The following GRIK4 variants were observed in gnomAD, a reference collection of about 807,000 sequenced individuals.
GRIK4 encodes the protein glutamate ionotropic receptor kainate type subunit 4, also known as glutamate receptor ionotropic, kainate 4.
A neutral mutation model predicts 104.9 loss-of-function variants in GRIK4; 40 were observed. The observed-to-expected ratio is 0.38, with a 90% CI of 0.30 to 0.50. The LOEUF is 0.50. GRIK4 is among the 20% of genes least tolerant of loss of function. The pLI is 0.93. For missense variants in GRIK4, 1,047 were observed against 1,308.1 expected (o/e 0.80, Z 3.08); for synonymous variants, 485 against 524.9 (o/e 0.92, Z 1.04).
At chr11:120,604,334 C>G (rs1473635696) in intron 1 of GRIK4, among the ~76,000 whole-genome samples, 1 of 152,180 alleles carries the variant, frequency 6.6e-6, no homozygotes, top group East Asian at 1.9e-4. Flanking sequence ...GGTGGTACCC[C>G]CTGGGCATCG....
chr11:120,724,114 A>C (rs549832423), intron 3 of GRIK4, among the ~76,000 whole-genome samples: 1 of 152,086 alleles, frequency 6.6e-6, no homozygotes, highest in South Asian at 2.1e-4. Flanking sequence ...ACAATCATCC[A>C]TGTTGTTGCC....
rs538270773 is a variant in GRIK4, at chr11:120,640,093, C to G, written c.-158-13592C>G. On this transcript the variant is annotated intron_variant, in intron 1 of 20. Coordinates refer to ENST00000527524, the MANE Select transcript of GRIK4 (RefSeq NM_014619.5). Reference sequence around the variant, plus strand: ...GGACCCCAAGAGAGGGTTCTTGGACCTCATGCAAGAAAGAACTTGGGGCAA... The same window carrying G: ...GGACCCCAAGAGAGGGTTCTTGGACGTCATGCAAGAAAGAACTTGGGGCAA... 7.2e-5 allele frequency among the ~76,000 whole-genome samples: 11 copies of G among 152,124 alleles called. No individual in the cohort carries two copies. In the East Asian group the frequency reaches 1.7e-3, roughly 24 times the overall value.
intron 1 of GRIK4, among the ~76,000 whole-genome samples, chr11:120,561,537 T>A (rs1299499445): frequency 6.6e-6 from 1 of 152,092 alleles, no homozygotes; most frequent in Non-Finnish European, 1.5e-5. Flanking sequence ...CTCCCCAGAG[T>A]TCCCTGCAGG....
intron 9 of GRIK4, among the ~76,000 whole-genome samples, chr11:120,864,460 T>A (rs1433984009): frequency 6.6e-6 from 1 of 152,122 alleles, no homozygotes; most frequent in Non-Finnish European, 1.5e-5. Flanking sequence ...CAGGAGTGTC[T>A]CGATCTCCTG....
chr11:120,669,337 A>T (rs1949974752), intron 3 of GRIK4, among the ~76,000 whole-genome samples: 1 of 152,254 alleles, frequency 6.6e-6, no homozygotes, highest in South Asian at 2.1e-4. Flanking sequence ...ACACAGGAGC[A>T]GTTGTCCCAG....
chr11:120,605,940 G>T (rs1423845679), intron 1 of GRIK4, among the ~76,000 whole-genome samples: 15 of 152,222 alleles, frequency 9.9e-5, no homozygotes, highest in Non-Finnish European at 4.4e-5. Context: ...TGGGGAGAGG[G>T]TGTACCTGGG....
At chr11:120,704,733 A>G (rs1328634020) in intron 3 of GRIK4, among the ~76,000 whole-genome samples, 2 of 151,502 alleles carry the variant, frequency 1.3e-5, no homozygotes, top group Non-Finnish European at 2.9e-5. Context: ...TAACTCTGCA[A>G]ACTTTTTTTT....
chr11:120,848,959 G>A (rs1033779554), intron 8 of GRIK4, among the ~76,000 whole-genome samples: 4 of 152,156 alleles, frequency 2.6e-5, no homozygotes, highest in Admixed American at 6.5e-5. Flanking sequence ...TTCAACAGGG[G>A]ATGTTGAGAC....
chr11:120,731,266 T>G (rs1469876810), intron 3 of GRIK4, among the ~76,000 whole-genome samples: 1 of 151,938 alleles, frequency 6.6e-6, no homozygotes, highest in Non-Finnish European at 1.5e-5. Context: ...TTAGTTTTTT[T>G]TTTTTAATCA....
At position 120,621,807 on chromosome 11, in the gene GRIK4, G is replaced by A. The variant is rs952886997; in HGVS notation, c.-158-31878G>A. Among the ~76,000 whole-genome samples the A allele has an allele frequency of 4.6e-5, 7 of 152,180 alleles. No homozygotes were observed. The South Asian group carries it at 6.2e-4, about 14-fold the overall frequency. Reference sequence around the variant, plus strand: ...TCCGTAGAGACTTCTCAGCTGCAGCGGCAGTACAAGGGGGTCTTTGTAATG... The same window carrying A: ...TCCGTAGAGACTTCTCAGCTGCAGCAGCAGTACAAGGGGGTCTTTGTAATG... On this transcript the variant is annotated intron_variant, in intron 1 of 20. Transcript: ENST00000527524.
chr11:120,667,976 G>A (rs1053617939), intron 3 of GRIK4, among the ~76,000 whole-genome samples: 2 of 152,190 alleles, frequency 1.3e-5, no homozygotes, highest in Admixed American at 1.3e-4. Context: ...CCAGCTACTT[G>A]GGAGGCTGAG....
At chr11:120,533,953 A>G (rs1229583750) in intron 1 of GRIK4, among the ~76,000 whole-genome samples, 1 of 152,224 alleles carries the variant, frequency 6.6e-6, no homozygotes, top group African/African-American at 2.4e-5. Flanking sequence ...TTTAAACAGA[A>G]ATAGCTTGAC....
chr11:120,722,037 A>C (rs1399788591), intron 3 of GRIK4, among the ~76,000 whole-genome samples: 1 of 152,090 alleles, frequency 6.6e-6, no homozygotes, highest in Non-Finnish European at 1.5e-5. Flanking sequence ...AAGTAACTTG[A>C]GGTAGTTTAC....
intron 1 of GRIK4, among the ~76,000 whole-genome samples, chr11:120,574,208 C>T (rs1450112181): frequency 6.6e-6 from 1 of 152,174 alleles, no homozygotes; most frequent in East Asian, 1.9e-4. Context: ...AGTGGTTGTG[C>T]TGTGTGATTA....
rs569544869 is a variant in GRIK4 at position 120,714,550 on chromosome 11, CA to C, written c.82+54151del. 5.3e-5 allele frequency among the ~76,000 whole-genome samples: 8 copies of C among 152,266 alleles called. No homozygotes were observed. In the East Asian group the frequency reaches 1.5e-3, roughly 29 times the overall value. Reference sequence around the variant, plus strand: ...TAGGGAGAGGACACAGAAGATTAAGCACTTACTGAAAAGTATCAAATGTGTC... The same window carrying C: ...TAGGGAGAGGACACAGAAGATTAAGCCTTACTGAAAAGTATCAAATGTGTC... On this transcript the variant is annotated intron_variant, in intron 3 of 20. Coordinates refer to ENST00000527524, the MANE Select transcript of GRIK4 (RefSeq NM_014619.5).
chr11:120,564,593 C>T (rs972010622), intron 1 of GRIK4: 1 of 152,316 alleles, frequency 6.6e-6, no homozygotes, highest in Non-Finnish European at 1.5e-5. Flanking sequence ...CCGTAGCCCC[C>T]CTCGACCCGC....
At chr11:120,642,303 C>A (rs1318306886) in intron 1 of GRIK4, among the ~76,000 whole-genome samples, 3 of 152,060 alleles carry the variant, frequency 2.0e-5, no homozygotes, top group East Asian at 3.9e-4. Flanking sequence ...TGCCCTCCAC[C>A]CTGGGCAAGA....
chr11:120,575,729 T>A (rs1948474458), intron 1 of GRIK4: 1 of 152,048 alleles, frequency 6.6e-6, no homozygotes, highest in Admixed American at 6.6e-5. Context: ...GGCCCCCTCC[T>A]CTCTTCTCCT....
chr11:120,641,477 C>T (rs1949471636), intron 1 of GRIK4, among the ~76,000 whole-genome samples: 1 of 151,940 alleles, frequency 6.6e-6, no homozygotes, highest in Non-Finnish European at 1.5e-5. Flanking sequence ...ATATGCTAAG[C>T]AAGGGGTGGA....
Sources: allele counts gnomAD v4.1 joint callset (sites outside exome capture counted in the v4.1 genomes callset), GRCh38; gene constraint gnomAD v4.1.1; transcripts MANE v1.5; gene names NCBI Gene and HGNC (gene_info 2026-07-23, HGNC 2026-07-21).